DOCK1: variants seen among roughly 807,000 people sequenced by gnomAD.
The protein encoded by DOCK1 is dedicator of cytokinesis protein 1.
DOCK1 carries 138 observed loss-of-function variants against 262.7 expected under a neutral mutation model. The ratio of observed to expected loss-of-function variants is 0.53; its 90% CI spans 0.46 to 0.61. The LOEUF (loss-of-function observed/expected upper bound fraction) is 0.61. Ranked by LOEUF, DOCK1 falls within the 20% of genes least tolerant of loss-of-function variation. The probability of loss-of-function intolerance (pLI) is 0.00; values close to 1 mark genes in which losing one functional copy is unlikely to be tolerated. For synonymous variants in DOCK1, 866 were observed against 867.4 expected, an observed-to-expected ratio of 1.00 and a Z score of 0.03; for missense variants, 1,908 against 2,370.7, an observed-to-expected ratio of 0.80 and a Z score of 4.05.
At chr10:127,257,220 A>G (rs1369596456) in intron 28 of DOCK1, 115 bp from the exon 29 acceptor site, 10 of 816,348 alleles carry the variant, frequency 1.2e-5, no homozygotes, top group Admixed American at 2.3e-5. Flanking sequence ...ATTACTTTTC[A>G]GGATGTGTTC....
Position 126,993,495 on chromosome 10 carries a change from C to T in DOCK1, c.473+2892C>T, listed in dbSNP as rs114955581. On this transcript the variant is annotated intron_variant, in intron 6 of 51. Transcript: ENST00000623213. ...CCTGTACCAGCACGTTCCTAGGGGC[C>T]GGTTCAGGGATAGGATAAGGAGTAG... 2.5e-3 allele frequency among the ~76,000 whole-genome samples: 387 copies of T among 152,276 alleles called. 1 individual carries two copies. Among genetic ancestry groups the T allele is most frequent in the African/African-American group, 9.0e-3 (372 of 41,548 alleles).
At chr10:127,304,075 C>T (rs886078542) in intron 29 of DOCK1, among the ~76,000 whole-genome samples, 1 of 152,120 alleles carries the variant, frequency 6.6e-6, no homozygotes, top group Non-Finnish European at 1.5e-5. Flanking sequence ...GTGGAAAGAG[C>T]ACTGGGCTGA....
At chr10:127,078,891 CATACTT>C (rs1449709625) in intron 23 of DOCK1, among the ~76,000 whole-genome samples, 6 of 152,188 alleles carry the variant, frequency 3.9e-5, no homozygotes, top group African/African-American at 1.4e-4. Flanking sequence ...TCCTTGTTCT[CATACTT>C]AAAGACAGCG....
At chr10:127,166,357 G>A (rs1277153419) in intron 27 of DOCK1, among the ~76,000 whole-genome samples, 4 of 151,820 alleles carry the variant, frequency 2.6e-5, no homozygotes, top group Admixed American at 6.6e-5. Flanking sequence ...GAGCCACCGC[G>A]CCCGGCCCAA....
At chr10:127,211,684 T>A (rs910447326) in intron 27 of DOCK1, among the ~76,000 whole-genome samples, 1 of 152,184 alleles carries the variant, frequency 6.6e-6, no homozygotes, top group African/African-American at 2.4e-5. Flanking sequence ...ACAGCATTGT[T>A]TTTCTAAACA....
chr10:126,993,918 A>AG (rs1205669699), intron 6 of DOCK1, among the ~76,000 whole-genome samples: 1 of 152,244 alleles, frequency 6.6e-6, no homozygotes, highest in African/African-American at 2.4e-5. Context: ...TCGAAGTCTC[A>AG]GGGTAGTTTT....
chr10:127,295,514 CT>C (rs2061476128), intron 29 of DOCK1, among the ~76,000 whole-genome samples: 1 of 152,022 alleles, frequency 6.6e-6, no homozygotes, highest in Non-Finnish European at 1.5e-5. Flanking sequence ...ATATCGCCCC[CT>C]CCCTACAAAA....
At chr10:127,026,297 G>A in intron 15 of DOCK1, 55 bp from the exon 16 acceptor site, 1 of 1,491,346 alleles carries the variant, frequency 6.7e-7, no homozygotes, top group South Asian at 1.2e-5. Flanking sequence ...GAATAAAGCT[G>A]TTACGCTGGA....
At chr10:126,924,330 G>C (rs1349263043) in intron 1 of DOCK1, among the ~76,000 whole-genome samples, 1 of 123,062 alleles carries the variant, frequency 8.1e-6, no homozygotes, top group African/African-American at 3.5e-5. Flanking sequence ...AACTCAGTAG[G>C]GGGAGGCTGT....
At chr10:127,370,503 T>C (rs2065149953) in intron 33 of DOCK1, among the ~76,000 whole-genome samples, 1 of 152,130 alleles carries the variant, frequency 6.6e-6, no homozygotes, top group African/African-American at 2.4e-5. Flanking sequence ...TACAGATGTA[T>C]AAAATTATAG....
intron 27 of DOCK1, among the ~76,000 whole-genome samples, chr10:127,162,005 T>C (rs1158156862): frequency 6.6e-6 from 1 of 152,212 alleles, no homozygotes; most frequent in African/African-American, 2.4e-5. Flanking sequence ...AGGACGTTGA[T>C]GATGGGACAG....
At chr10:127,399,506 A>T (rs1011763187) in intron 38 of DOCK1, among the ~76,000 whole-genome samples, 1 of 151,024 alleles carries the variant, frequency 6.6e-6, no homozygotes, top group East Asian at 1.9e-4. Flanking sequence ...GATGAGAGAT[A>T]TATATTTATA....
chr10:127,382,014 G>T (rs1232575772), intron 37 of DOCK1, among the ~76,000 whole-genome samples: 4 of 152,068 alleles, frequency 2.6e-5, no homozygotes, highest in African/African-American at 4.8e-5. Context: ...TTGCTATACA[G>T]CCTCTAGTTT....
chr10:127,200,191 G>A (rs1328855847), intron 27 of DOCK1, among the ~76,000 whole-genome samples: 1 of 152,140 alleles, frequency 6.6e-6, no homozygotes, highest in African/African-American at 2.4e-5. Context: ...AACACAGGGC[G>A]AGTCCACTGT....
intron 1 of DOCK1, among the ~76,000 whole-genome samples, chr10:126,934,906 G>A (rs2034463378): frequency 6.6e-6 from 1 of 151,978 alleles, no homozygotes; most frequent in South Asian, 2.1e-4. Flanking sequence ...CATGAGGTCA[G>A]GAGACCATCC....
rs1226594333 is a variant in DOCK1, at chr10:126,925,721, AGTCT to A, written c.46+20161_46+20164del. ...CTAAACACATACACACACATTGCAG[AGTCT>A]GTGTGTGTGTGTGTGTGTGTGTGTG... is the stretch of plus-strand genomic sequence containing the variant. On this transcript the variant is annotated intron_variant, in intron 1 of 51. Transcript: ENST00000623213. 7.9e-4 allele frequency among the ~76,000 whole-genome samples: 97 copies of A among 122,360 alleles called. 1 individual carries two copies. The highest frequency in any genetic ancestry group is 1.2e-3 in the African/African-American group (37 of 30,804). The allele number at this position is 122,360 out of a possible 152,430, so 80.3% of individuals were successfully genotyped here. A position where few individuals can be genotyped will look rare whatever the true frequency, so the allele number is the denominator to read the frequency against.
chr10:127,198,417 G>A (rs2057311135), intron 27 of DOCK1, among the ~76,000 whole-genome samples: 1 of 152,234 alleles, frequency 6.6e-6, no homozygotes, highest in African/African-American at 2.4e-5. Flanking sequence ...GCATTGGGCT[G>A]GTAGTATCAG....
At chr10:127,331,452 T>C (rs2062978477) in intron 29 of DOCK1, among the ~76,000 whole-genome samples, 1 of 152,128 alleles carries the variant, frequency 6.6e-6, no homozygotes, top group Admixed American at 6.5e-5. Flanking sequence ...CGGGTAATTT[T>C]TGTATTTTTA....
intron 1 of DOCK1, among the ~76,000 whole-genome samples, chr10:126,938,509 A>G (rs1351054559): frequency 6.6e-6 from 1 of 152,282 alleles, no homozygotes; most frequent in Non-Finnish European, 1.5e-5. Context: ...TGGTCTCTGT[A>G]TATCTGTCTT....
Sources: allele counts gnomAD v4.1 joint callset (sites outside exome capture counted in the v4.1 genomes callset), GRCh38; gene constraint gnomAD v4.1.1; transcripts MANE v1.5; gene names NCBI Gene and HGNC (gene_info 2026-07-23, HGNC 2026-07-21).